Variants in PACS1 observed in about 807,000 individuals in gnomAD.
The protein encoded by PACS1 is PACS-1.
In PACS1, 24 loss-of-function variants were observed where a neutral mutation model predicts 115.0. The observed-to-expected ratio is 0.21, with a 90% CI of 0.15 to 0.29. The LOEUF (loss-of-function observed/expected upper bound fraction) is 0.29. Among genes scored for constraint, PACS1 ranks in the 10% least tolerant of loss-of-function variants. The pLI is 1.00. For synonymous variants in PACS1, 453 were observed against 504.5 expected (o/e 0.90, Z 1.37); for missense variants, 838 against 1,251.2 (o/e 0.67, Z 4.98).
In PACS1 at chr11:66,168,752, ATGTGTG is replaced by A. The variant is rs34140940; in HGVS notation, c.357-24712_357-24707del. Among the ~76,000 whole-genome samples the A allele has an allele frequency of 6.1e-5, 6 of 99,104 alleles. 1 individual carries two copies. The highest frequency in any genetic ancestry group is 3.0e-4 in the South Asian group (1 of 3,354). 65.0% of individuals were successfully genotyped at this position (99,104 alleles called of 152,430 possible). On this transcript the variant is annotated intron_variant, in intron 1 of 23. Coordinates refer to ENST00000320580, the MANE Select transcript of PACS1 (RefSeq NM_018026.4). Reference sequence around the variant, plus strand: ...TGCTTCCTAAATAGTATATATATATATGTGTGTGTGTGTGTGTGTGTGTGTGTATAC... The same window carrying A: ...TGCTTCCTAAATAGTATATATATATATGTGTGTGTGTGTGTGTGTGTATAC...
intron 1 of PACS1, among the ~76,000 whole-genome samples, chr11:66,139,468 C>A (rs1234460706): frequency 6.6e-6 from 1 of 151,808 alleles, no homozygotes; most frequent in East Asian, 1.9e-4. Flanking sequence ...TAGCCCTCCC[C>A]ACTTCCCTCC....
chr11:66,087,106 C>G (rs149279581), intron 1 of PACS1, among the ~76,000 whole-genome samples: 1 of 152,106 alleles, frequency 6.6e-6, no homozygotes, highest in Non-Finnish European at 1.5e-5. Flanking sequence ...CAGAACATTA[C>G]CATGCCCCCT....
intron 1 of PACS1, among the ~76,000 whole-genome samples, chr11:66,139,674 C>A (rs1000908074): frequency 6.6e-6 from 1 of 152,090 alleles, no homozygotes; most frequent in Non-Finnish European, 1.5e-5. Flanking sequence ...ATCCATCCAT[C>A]CAAAGGATCA....
chr11:66,216,711 AC>A lies in PACS1; in HGVS notation c.915del (p.Asp305GlufsTer7). On this transcript the variant is annotated frameshift_variant, in exon 7 of 24. Transcript: ENST00000320580. LOFTEE classifies it high-confidence loss of function. ...CCCACTTAGGACTTGTTCTACGAAG[AC>A]GAAGATCTCCGGAAAGTGAAGAAGA... ...PLHGQDLFYE[D>X]EDLRKVKKTR... The A allele has an allele frequency of 6.2e-7, 1 of 1,613,948 alleles. No individual in the cohort carries two copies. The highest frequency in any genetic ancestry group is 1.1e-5 in the South Asian group (1 of 91,070).
At chr11:66,190,795 G>A (rs1308165550) in intron 1 of PACS1, among the ~76,000 whole-genome samples, 2 of 152,182 alleles carry the variant, frequency 1.3e-5, no homozygotes, top group Non-Finnish European at 2.9e-5. Context: ...GGTACTGTGG[G>A]CAGTCATTGA....
intron 1 of PACS1, among the ~76,000 whole-genome samples, chr11:66,078,702 T>C (rs9285797): frequency 0.97 from 148,046 of 152,272 alleles, 72,112 homozygotes; most frequent in Middle Eastern, 1. Flanking sequence ...CACAGGCACA[T>C]GCCAACATGC....
intron 1 of PACS1, among the ~76,000 whole-genome samples, chr11:66,094,231 C>A (rs1296705990): frequency 3.3e-5 from 5 of 150,810 alleles, no homozygotes; most frequent in Non-Finnish European, 7.5e-5. Context: ...ACACAAAAAA[C>A]CCTTCAAAAA....
intron 1 of PACS1, among the ~76,000 whole-genome samples, chr11:66,085,153 GT>G (rs1036654721): frequency 2.6e-5 from 4 of 152,034 alleles, no homozygotes; most frequent in Admixed American, 6.6e-5. Flanking sequence ...AAAACATCAT[GT>G]TTTTTTCTTT....
chr11:66,207,039 C>T (rs1854956855), intron 2 of PACS1, among the ~76,000 whole-genome samples: 1 of 152,228 alleles, frequency 6.6e-6, no homozygotes, highest in Non-Finnish European at 1.5e-5. Flanking sequence ...AGTCTCGTTT[C>T]GTCTGTGTCC....
Position 66,231,980 on chromosome 11 carries a change from G to A in PACS1, c.1627-192G>A, listed in dbSNP as rs1054507877. The A allele has an allele frequency of 5.4e-6, 3 of 554,514 alleles. 1 individual carries two copies. Among genetic ancestry groups the A allele is most frequent in the South Asian group, 4.4e-5 (2 of 45,952 alleles). 34.3% of individuals were successfully genotyped at this position (554,514 alleles called of 1,614,324 possible). On this transcript the variant is annotated intron_variant, in intron 13 of 23. Transcript: ENST00000320580. ...ATCTCCATGTGTCCTCTAAGGACTC[G>A]CTTTGCTGCTTCTTTCTCCTCCTTT...
At chr11:66,183,974 G>T (rs543523584) in intron 1 of PACS1, among the ~76,000 whole-genome samples, 26 of 152,088 alleles carry the variant, frequency 1.7e-4, no homozygotes, top group Non-Finnish European at 3.5e-4. Context: ...TGGTGGTGTT[G>T]CCTCTTCTGT....
intron 1 of PACS1, among the ~76,000 whole-genome samples, chr11:66,172,890 C>T (rs766430296): frequency 6.6e-6 from 1 of 150,850 alleles, no homozygotes; most frequent in Non-Finnish European, 1.5e-5. Context: ...GCAGGAGAAT[C>T]GCTTGAACCC....
intron 1 of PACS1, among the ~76,000 whole-genome samples, chr11:66,145,118 A>C (rs1487833277): frequency 6.6e-6 from 1 of 152,212 alleles, no homozygotes; most frequent in African/African-American, 2.4e-5. Context: ...ACCAGACAAA[A>C]TTGTTAAAAG....
At chr11:66,142,388 G>A (rs1183181985) in intron 1 of PACS1, among the ~76,000 whole-genome samples, 2 of 151,816 alleles carry the variant, frequency 1.3e-5, no homozygotes, top group Admixed American at 6.6e-5. Context: ...CCGCAATCTC[G>A]GCTCACTGCA....
At chr11:66,185,938 C>T (rs1225789180) in intron 1 of PACS1, among the ~76,000 whole-genome samples, 2 of 152,022 alleles carry the variant, frequency 1.3e-5, no homozygotes, top group Non-Finnish European at 2.9e-5. Context: ...AACAGAAAAA[C>T]CACAAAGAAG....
At chr11:66,072,092 T>G (rs1463981280) in intron 1 of PACS1, among the ~76,000 whole-genome samples, 1 of 152,228 alleles carries the variant, frequency 6.6e-6, no homozygotes, top group Non-Finnish European at 1.5e-5. Flanking sequence ...ATAATGCATC[T>G]CTATATATTT....
chr11:66,190,753 A>G (rs1006183987), intron 1 of PACS1, among the ~76,000 whole-genome samples: 9 of 152,194 alleles, frequency 5.9e-5, no homozygotes, highest in African/African-American at 1.9e-4. Context: ...GGGACAGCAC[A>G]TCTCTGCTCT....
chr11:66,215,704 C>G (rs1467388211), intron 4 of PACS1, among the ~76,000 whole-genome samples: 1 of 151,908 alleles, frequency 6.6e-6, no homozygotes, highest in African/African-American at 2.4e-5. Flanking sequence ...TGAGACCAGC[C>G]TGGCCAACAT....
At chr11:66,112,157 A>G (rs965302763) in intron 1 of PACS1, among the ~76,000 whole-genome samples, 14 of 152,152 alleles carry the variant, frequency 9.2e-5, no homozygotes, top group Non-Finnish European at 1.6e-4. Flanking sequence ...TGAAATGCAG[A>G]TCTGATTGTT....
Sources: gnomAD v4.1 joint callset for allele counts (sites outside exome capture counted in the v4.1 genomes callset) on GRCh38, gnomAD v4.1.1 for gene constraint, MANE v1.5 for transcripts, NCBI Gene and HGNC (gene_info 2026-07-23, HGNC 2026-07-21) for gene names.